Variants in SYNE1 observed in about 807,000 individuals in gnomAD.
SYNE1 encodes nesprin-1.
Under a neutral mutation model 1,111.0 loss-of-function variants are expected in SYNE1, and 616 were observed. That is an observed-to-expected ratio of 0.55 (90% CI 0.52 to 0.59). The LOEUF (loss-of-function observed/expected upper bound fraction) is 0.59, where lower values mean the gene tolerates loss of function less well. Among genes scored for constraint, SYNE1 ranks in the 20% least tolerant of loss-of-function variants. The pLI is 0.00. For synonymous variants in SYNE1, 3,855 were observed against 3,825.8 expected (o/e 1.01, Z -0.28); for missense variants, 10,006 against 10,417.0 (o/e 0.96, Z 1.72).
chr6:152,339,825 G>C (rs1351319982), intron 74 of SYNE1, among the ~76,000 whole-genome samples: 1 of 152,172 alleles, frequency 6.6e-6, no homozygotes, highest in Non-Finnish European at 1.5e-5. Flanking sequence ...CTTTGCAGGA[G>C]ATTCATCTTG....
chr6:152,499,035 T>C (rs2099014463), intron 10 of SYNE1, among the ~76,000 whole-genome samples: 6 of 152,152 alleles, frequency 3.9e-5, no homozygotes, highest in Admixed American at 3.9e-4. Context: ...CATATGTAGC[T>C]ATATATTTTG....
chr6:152,559,332 C>T (rs1458524545), intron 3 of SYNE1, among the ~76,000 whole-genome samples: 1 of 152,062 alleles, frequency 6.6e-6, no homozygotes, highest in Non-Finnish European at 1.5e-5. Flanking sequence ...AACTCCTTAC[C>T]TCAAGCAATC....
chr6:152,479,311 G>A (rs1028090036), intron 14 of SYNE1, among the ~76,000 whole-genome samples: 23 of 152,174 alleles, frequency 1.5e-4, no homozygotes, highest in African/African-American at 5.5e-4. Context: ...AAGAAAGGAA[G>A]GCAAGTGACC....
chr6:152,629,180 T>G (rs193152533), intron 2 of SYNE1, among the ~76,000 whole-genome samples: 6 of 152,014 alleles, frequency 3.9e-5, no homozygotes, highest in South Asian at 4.2e-4. Flanking sequence ...GAGTGGACAT[T>G]TTCCTTCTAA....
In SYNE1 at chr6:152,330,282, C is replaced by A; in HGVS notation, c.14403G>T (p.Gln4801His). The A allele has an allele frequency of 6.2e-7, 1 of 1,614,178 alleles. No individual in the cohort carries two copies. The highest frequency in any genetic ancestry group is 8.5e-7 in the Non-Finnish European group (1 of 1,180,028). The change falls in exon 78 of 146, where the codon CAG becomes CAT. Residue 4801 changes from glutamine to histidine, a missense_variant. Gln to His is a conservative substitution (Grantham distance 24). This residue lies in a region of SYNE1 where 4,955 missense variants were observed against 5,017.2 expected (regional missense o/e 0.99). Transcript: ENST00000367255. ...GCAGCGTTTCCTCATTCACTTTGGA[C>A]TGCTCCTCTTTTACAGACTTCAGTT... ...ERQLKSVKEE[Q>H]SKVNEETLPA...
intron 133 of SYNE1, among the ~76,000 whole-genome samples, chr6:152,153,670 C>T (rs912388029): frequency 6.6e-6 from 1 of 152,106 alleles, no homozygotes; most frequent in African/African-American, 2.4e-5. Context: ...ATCGAGATGA[C>T]CTGGAATCTA....
At chr6:152,294,702 TG>T (rs995714428) in intron 93 of SYNE1, among the ~76,000 whole-genome samples, 46 of 152,292 alleles carry the variant, frequency 3.0e-4, no homozygotes, top group African/African-American at 1.1e-3. Flanking sequence ...AGGTTTTCTA[TG>T]CATTTCCTAA....
intron 33 of SYNE1, chr6:152,435,354 T>C (rs2098463972): frequency 6.6e-6 from 1 of 151,404 alleles, no homozygotes; most frequent in Admixed American, 6.6e-5. Flanking sequence ...TTTGGGTATA[T>C]AACAGGATAT....
In SYNE1 at chr6:152,584,595, G is replaced by C. The variant is rs146015922; in HGVS notation, c.67+43670C>G. Among the ~76,000 whole-genome samples, 478 of 152,038 alleles carry C rather than the reference G, an allele frequency of 3.1e-3. 3 individuals carry two copies. The highest frequency in any genetic ancestry group is 0.011 in the African/African-American group (456 of 41,480). On this transcript the variant is annotated intron_variant, in intron 3 of 145. Coordinates refer to ENST00000367255, the MANE Select transcript of SYNE1 (RefSeq NM_182961.4). The stretch of plus-strand genomic sequence containing the variant: ...TTTTTTTGATTTTTAGTAGAGACGA[G>C]GTCTCGCTACATTGCCCAGGCTGCT...
In SYNE1 at chr6:152,206,263, C is replaced by G. The variant is rs776115026; in HGVS notation, c.22924G>C (p.Ala7642Pro). 6.2e-7 allele frequency: 1 copy of G among 1,613,802 alleles called. No individual in the cohort carries two copies. Among genetic ancestry groups the G allele is most frequent in the Non-Finnish European group, 8.5e-7 (1 of 1,180,028 alleles). Reference protein sequence around the residue: ...LLSADSGAEAALQAELAEIQE... With the variant: ...LLSADSGAEAPLQAELAEIQE... ...ATTTCAGCGAGTTCGGCCTGCAAGG[C>G]GGCCTCAGCGCCACTGTCCGCCGAG... is the stretch of plus-strand genomic sequence containing the variant. The change falls in exon 126 of 146, where the codon GCC becomes CCC. Residue 7642 changes from alanine to proline, a missense_variant. By Grantham distance (27) the Ala-to-Pro change is conservative (BLOSUM62 -1). This residue lies in a region of SYNE1 where 2,182 missense variants were observed against 2,287.8 expected (regional missense o/e 0.95). Coordinates refer to ENST00000367255, the MANE Select transcript of SYNE1 (RefSeq NM_182961.4).
At chr6:152,428,063 A>G in intron 37 of SYNE1, 142 bp downstream of exon 37, 6 of 1,234,656 alleles carry the variant, frequency 4.9e-6, no homozygotes, top group South Asian at 2.5e-5. Context: ...TTGCCTTATA[A>G]CAAAGATCAA....
chr6:152,576,351 C>G (rs966390455), intron 3 of SYNE1, among the ~76,000 whole-genome samples: 3 of 152,180 alleles, frequency 2.0e-5, no homozygotes, highest in Non-Finnish European at 4.4e-5. Context: ...CAGTTTACAA[C>G]ACTCCCATGT....
At chr6:152,424,880 G>A (rs938005264) in intron 39 of SYNE1, among the ~76,000 whole-genome samples, 1 of 152,130 alleles carries the variant, frequency 6.6e-6, no homozygotes, top group Non-Finnish European at 1.5e-5. Flanking sequence ...TTGTTTTCTG[G>A]TATATTGGAA....
chr6:152,230,259 GAC>G (rs918859987), intron 115 of SYNE1, among the ~76,000 whole-genome samples: 7 of 151,874 alleles, frequency 4.6e-5, no homozygotes, highest in African/African-American at 1.7e-4. Flanking sequence ...TGCAAATCTT[GAC>G]AATTATTAAA....
At chr6:152,456,266 A>ATG (rs2098695223) in intron 22 of SYNE1, among the ~76,000 whole-genome samples, 1 of 110,382 alleles carries the variant, frequency 9.1e-6, no homozygotes, top group African/African-American at 4.6e-5. Flanking sequence ...AAATGTTACA[A>ATG]AGAGTTTTTT....
At chr6:152,351,249 G>A (rs1171697689) in intron 70 of SYNE1, among the ~76,000 whole-genome samples, 1 of 152,212 alleles carries the variant, frequency 6.6e-6, no homozygotes, top group Non-Finnish European at 1.5e-5. Flanking sequence ...AGGAGGAAGA[G>A]GTTGTGATTC....
intron 84 of SYNE1, among the ~76,000 whole-genome samples, 183 bp downstream of exon 84, chr6:152,321,055 T>C (rs1287831648): frequency 6.6e-6 from 1 of 152,220 alleles, no homozygotes; most frequent in Non-Finnish European, 1.5e-5. Flanking sequence ...GCATTATTGG[T>C]CATATCTATG....
At chr6:152,373,551 A>T (rs949566050) in intron 58 of SYNE1, among the ~76,000 whole-genome samples, 1 of 152,204 alleles carries the variant, frequency 6.6e-6, no homozygotes, top group African/African-American at 2.4e-5. Context: ...AAGTGCTGGG[A>T]TTACAGGCGT....
chr6:152,336,685 T>C (rs1324569793), intron 76 of SYNE1, 156 bp downstream of exon 76: 4 of 967,516 alleles, frequency 4.1e-6, no homozygotes, highest in Non-Finnish European at 6.4e-6. Flanking sequence ...TGCTTGTCCA[T>C]AACCTGGGGC....
Sources: gnomAD v4.1 joint callset for allele counts (sites outside exome capture counted in the v4.1 genomes callset) on GRCh38, gnomAD v4.1.1 for gene constraint, gnomAD v4.1.1 regional missense constraint, MANE v1.5 for transcripts, NCBI Gene and HGNC (gene_info 2026-07-23, HGNC 2026-07-21) for gene names.